Variants in KCNIP4 observed in about 807,000 individuals in gnomAD.
KCNIP4 encodes potassium voltage-gated channel interacting protein 4.
KCNIP4 carries 12 observed loss-of-function variants against 34.0 expected under a neutral mutation model. The ratio of observed to expected loss-of-function variants is 0.35; its 90% CI spans 0.23 to 0.57. The LOEUF (loss-of-function observed/expected upper bound fraction) is 0.57, where lower values mean the gene tolerates loss of function less well. Ranked by LOEUF, KCNIP4 falls within the 20% of genes least tolerant of loss-of-function variation. The pLI is 0.83. For missense variants in KCNIP4, 238 were observed against 311.7 expected (o/e 0.76, Z 1.78); for synonymous variants, 124 against 102.2 (o/e 1.21, Z -1.29).
intron 1 of KCNIP4, among the ~76,000 whole-genome samples, chr4:21,774,435 T>A (rs555916969): frequency 1.3e-5 from 2 of 152,126 alleles, no homozygotes; most frequent in Admixed American, 6.6e-5. Flanking sequence ...CTTCTCATGT[T>A]GTATCTTAAT....
intron 1 of KCNIP4, among the ~76,000 whole-genome samples, chr4:21,822,615 T>C (rs968920458): frequency 6.6e-6 from 1 of 152,182 alleles, no homozygotes; most frequent in African/African-American, 2.4e-5. Flanking sequence ...CGGTAGAGAT[T>C]ATTTGCCCAG....
At chr4:21,611,816 G>A (rs1187463799) in intron 1 of KCNIP4, among the ~76,000 whole-genome samples, 10 of 152,066 alleles carry the variant, frequency 6.6e-5, no homozygotes, top group Non-Finnish European at 1.0e-4. Flanking sequence ...AACTCAAGCC[G>A]GCAGGTATAG....
chr4:20,904,495 A>G (rs994249880), intron 1 of KCNIP4, among the ~76,000 whole-genome samples: 4 of 151,982 alleles, frequency 2.6e-5, no homozygotes, highest in African/African-American at 9.7e-5. Context: ...TATAATTTCC[A>G]CACTATCTCT....
chr4:21,444,988 A>G (rs1050507192), intron 1 of KCNIP4, among the ~76,000 whole-genome samples: 14 of 152,178 alleles, frequency 9.2e-5, no homozygotes, highest in Non-Finnish European at 1.8e-4. Flanking sequence ...TAACAGACAA[A>G]CAGAGAGCCA....
chr4:21,187,180 C>T (rs983774682), intron 1 of KCNIP4, among the ~76,000 whole-genome samples: 2 of 152,234 alleles, frequency 1.3e-5, no homozygotes, highest in South Asian at 2.1e-4. Flanking sequence ...AGTTACCATT[C>T]ACATAGGCTA....
intron 3 of KCNIP4, among the ~76,000 whole-genome samples, chr4:20,796,384 G>A (rs1302470991): frequency 5.3e-5 from 8 of 152,006 alleles, no homozygotes; most frequent in African/African-American, 1.9e-4. Flanking sequence ...TCACAGAACT[G>A]GTTTTTAACC....
chr4:21,118,407 TAGA>T (rs1749869333), intron 1 of KCNIP4, among the ~76,000 whole-genome samples: 1 of 152,174 alleles, frequency 6.6e-6, no homozygotes, highest in African/African-American at 2.4e-5. Context: ...AAAGCAGTCA[TAGA>T]AGATGCTCCA....
At chr4:21,348,070 C>A (rs1184913388) in intron 1 of KCNIP4, among the ~76,000 whole-genome samples, 4 of 152,124 alleles carry the variant, frequency 2.6e-5, no homozygotes. Flanking sequence ...ACATAAAGGC[C>A]AGCTGTGTGG....
At chr4:21,207,077 C>A (rs1190884707) in intron 1 of KCNIP4, among the ~76,000 whole-genome samples, 1 of 152,124 alleles carries the variant, frequency 6.6e-6, no homozygotes, top group Non-Finnish European at 1.5e-5. Flanking sequence ...AAATTAGACA[C>A]CCCCCTGGTT....
intron 1 of KCNIP4, among the ~76,000 whole-genome samples, chr4:21,058,380 G>A (rs1743612164): frequency 6.6e-6 from 1 of 152,090 alleles, no homozygotes; most frequent in South Asian, 2.1e-4. Context: ...GAAAACCTGT[G>A]CAGGAATTAA....
chr4:21,178,254 T>C (rs998998161), intron 1 of KCNIP4, among the ~76,000 whole-genome samples: 5 of 152,216 alleles, frequency 3.3e-5, no homozygotes, highest in Admixed American at 6.5e-5. Context: ...TATATGCAAT[T>C]ACAAGTTAGA....
At chr4:20,855,479 T>G (rs1475919891) in intron 2 of KCNIP4, among the ~76,000 whole-genome samples, 1 of 152,132 alleles carries the variant, frequency 6.6e-6, no homozygotes, top group Non-Finnish European at 1.5e-5. Context: ...GTTGGAAATG[T>G]AGTCCTTTTT....
intron 1 of KCNIP4, among the ~76,000 whole-genome samples, chr4:20,940,483 A>T (rs758570824): frequency 2.0e-5 from 3 of 152,166 alleles, no homozygotes; most frequent in Non-Finnish European, 4.4e-5. Context: ...TCGTTCATGA[A>T]AAGTAGGGAT....
chr4:21,517,316 C>A (rs1577504286), intron 1 of KCNIP4, among the ~76,000 whole-genome samples: 3 of 152,138 alleles, frequency 2.0e-5, no homozygotes, highest in African/African-American at 7.2e-5. Context: ...TCCCTCCTTA[C>A]TCTGCCTCAC....
At chr4:20,847,144 A>G (rs1263516058) in intron 3 of KCNIP4, among the ~76,000 whole-genome samples, 1 of 152,146 alleles carries the variant, frequency 6.6e-6, no homozygotes, top group Non-Finnish European at 1.5e-5. Context: ...CCATACTATA[A>G]TAACTCCTTT....
chr4:20,865,651 T>TA (rs1274684142), intron 2 of KCNIP4, among the ~76,000 whole-genome samples: 2 of 151,850 alleles, frequency 1.3e-5, no homozygotes, highest in Non-Finnish European at 2.9e-5. Flanking sequence ...ATAAAGAACC[T>TA]AAAAAAATGT....
chr4:20,823,086 CCTG>C (rs1024939427), intron 3 of KCNIP4, among the ~76,000 whole-genome samples: 32 of 152,104 alleles, frequency 2.1e-4, no homozygotes, highest in Admixed American at 1.9e-3. Context: ...ATAGTCTGTT[CCTG>C]CTGCTATAAC....
chr4:21,073,233 G>C lies in KCNIP4; in HGVS notation c.62-190524C>G, dbSNP rs562831356. ...TGGCATTGAATCTATAAATTACCTTGGGCAGTATGGCCATTTTCATGATAT... is the reference window on the plus strand; with the variant it reads ...TGGCATTGAATCTATAAATTACCTTCGGCAGTATGGCCATTTTCATGATAT... On this transcript the variant is annotated intron_variant, in intron 1 of 8. Transcript: ENST00000382152. Among the ~76,000 whole-genome samples the C allele has an allele frequency of 1.8e-3, 271 of 152,062 alleles. 1 individual carries two copies. Among genetic ancestry groups the C allele is most frequent in the African/African-American group, 3.5e-3 (146 of 41,488 alleles).
At chr4:21,314,653 C>T (rs1713541395) in intron 1 of KCNIP4, among the ~76,000 whole-genome samples, 1 of 152,158 alleles carries the variant, frequency 6.6e-6, no homozygotes, top group Non-Finnish European at 1.5e-5. Context: ...CAGAAGCCAA[C>T]AGAAAGATGT....
Sources: allele counts gnomAD v4.1 joint callset (sites outside exome capture counted in the v4.1 genomes callset), GRCh38; gene constraint gnomAD v4.1.1; transcripts MANE v1.5; gene names NCBI Gene and HGNC (gene_info 2026-07-23, HGNC 2026-07-21).